TNFRSF13B: variants seen among roughly 807,000 people sequenced by gnomAD.
The protein encoded by TNFRSF13B is tumor necrosis factor receptor superfamily member 13B.
TNFRSF13B carries 34 observed loss-of-function variants against 24.0 expected under a neutral mutation model. That is an observed-to-expected ratio of 1.41 (90% CI 1.08 to 1.88). TNFRSF13B has a LOEUF of 1.88. Ranked by LOEUF, TNFRSF13B falls within the 40% of genes most tolerant of loss-of-function variation. The pLI is 0.00. For missense variants in TNFRSF13B, 415 were observed against 380.8 expected (o/e 1.09, Z -0.75); for synonymous variants, 173 against 150.3 (o/e 1.15, Z -1.10).
intron 1 of TNFRSF13B, among the ~76,000 whole-genome samples, chr17:16,963,644 G>T (rs2087679009): frequency 6.6e-6 from 1 of 152,094 alleles, no homozygotes; most frequent in South Asian, 2.1e-4. Flanking sequence ...CCACCTCCTG[G>T]GTTCACGTCA....
At position 16,948,708 on chromosome 17, in the gene TNFRSF13B, C is replaced by T. The variant is rs767153075; in HGVS notation, c.445+30G>A. The stretch of plus-strand genomic sequence containing the variant: ...TCCCACGCTTTCTCACCCTGCGTGA[C>T]ACCATGCAGGTTTGCCTTGGGTGGC... On this transcript the variant is annotated intron_variant, in intron 3 of 4. Coordinates refer to ENST00000261652, the MANE Select transcript of TNFRSF13B (RefSeq NM_012452.3). 9.3e-6 allele frequency: 15 copies of T among 1,612,886 alleles called. No homozygotes were observed. In the Admixed American group the frequency reaches 1.7e-4, roughly 18 times the overall value.
At chr17:16,943,939 C>T (rs111764473) in intron 3 of TNFRSF13B, among the ~76,000 whole-genome samples, 48 of 152,200 alleles carry the variant, frequency 3.2e-4, no homozygotes, top group African/African-American at 1.1e-3. Context: ...CTGGAGTCGT[C>T]GCAGTAGAAC....
intron 3 of TNFRSF13B, among the ~76,000 whole-genome samples, chr17:16,947,156 A>G (rs940489751): frequency 4.6e-5 from 7 of 152,200 alleles, no homozygotes; most frequent in African/African-American, 1.7e-4. Flanking sequence ...AGACACAACA[A>G]CAAAAAAAAG....
chr17:16,968,677 TAGAAG>T (rs1321107718), intron 1 of TNFRSF13B, among the ~76,000 whole-genome samples: 1 of 152,224 alleles, frequency 6.6e-6, no homozygotes, highest in Non-Finnish European at 1.5e-5. Flanking sequence ...GTGCGTGTGA[TAGAAG>T]AGAAGATTGA....
chr17:16,952,659 G>A (rs569662236), intron 1 of TNFRSF13B, 76 bp from the exon 2 acceptor site: 578 of 1,603,130 alleles, frequency 3.6e-4, no homozygotes, highest in Non-Finnish European at 4.4e-4. Context: ...GAACCAAGAC[G>A]GCCTCTCCTG....
chr17:16,948,832 C>T lies in TNFRSF13B; in HGVS notation c.351G>A (p.Glu117=), dbSNP rs1454227420. The change falls in exon 3 of 5, where the codon GAG becomes GAA. Residue 117 remains glutamate, a synonymous_variant. Transcript: ENST00000261652. ...KLRSPVNLPP[E]LRRQRSGEVE... is the part of the protein sequence containing the mutation. ...CTTCTCCACTCCGCTGTCTCCTGAG[C>T]TCTGGTGGAAGGTTCACTGGGCTCC... 6.2e-7 allele frequency: 1 copy of T among 1,614,244 alleles called. No homozygotes were observed. The highest frequency in any genetic ancestry group is 8.5e-7 in the Non-Finnish European group (1 of 1,180,028).
chr17:16,944,828 C>T (rs540521958), intron 3 of TNFRSF13B, among the ~76,000 whole-genome samples: 12 of 152,204 alleles, frequency 7.9e-5, no homozygotes, highest in Admixed American at 2.6e-4. Flanking sequence ...AGACAGGGAA[C>T]GGCAGAATTC....
intron 1 of TNFRSF13B, among the ~76,000 whole-genome samples, chr17:16,964,421 C>A (rs778295804): frequency 4.7e-5 from 7 of 147,484 alleles, no homozygotes; most frequent in Non-Finnish European, 1.0e-4. Flanking sequence ...CGGCTCACTG[C>A]AACCTCTGCC....
chr17:16,950,953 C>G (rs975600793), intron 2 of TNFRSF13B, among the ~76,000 whole-genome samples: 1 of 152,236 alleles, frequency 6.6e-6, no homozygotes, highest in South Asian at 2.1e-4. Context: ...TGAAGGGGGT[C>G]TCTCCCAACT....
At chr17:16,960,560 C>T (rs565491026) in intron 1 of TNFRSF13B, among the ~76,000 whole-genome samples, 43 of 152,272 alleles carry the variant, frequency 2.8e-4, no homozygotes, top group Non-Finnish European at 5.7e-4. Context: ...TGGATATTCA[C>T]ATGCAAGAGA....
At position 16,964,696 on chromosome 17, in the gene TNFRSF13B, AAGTC is replaced by A. The variant is rs1209014644; in HGVS notation, c.61+7315_61+7318del. ...TAGTTAGGTCCTGGGAAAACTGGTC[AAGTC>A]ACCTTCTCAGTTTTCTGTTTGTGAA... On this transcript the variant is annotated intron_variant, in intron 1 of 4. Coordinates refer to ENST00000261652, the MANE Select transcript of TNFRSF13B (RefSeq NM_012452.3). Among the ~76,000 whole-genome samples, 15 of 152,272 alleles carry A rather than the reference AAGTC, an allele frequency of 9.9e-5. No homozygotes were observed. In the Middle Eastern group the frequency reaches 0.01, roughly 104 times the overall value.
At chr17:16,970,584 G>A (rs891777742) in intron 1 of TNFRSF13B, among the ~76,000 whole-genome samples, 18 of 152,352 alleles carry the variant, frequency 1.2e-4, no homozygotes, top group Admixed American at 1.1e-3. Flanking sequence ...GCACTTTTGT[G>A]TGTTTGAGGG....
At chr17:16,955,335 C>G (rs748320781) in intron 1 of TNFRSF13B, among the ~76,000 whole-genome samples, 20 of 152,208 alleles carry the variant, frequency 1.3e-4, no homozygotes, top group Non-Finnish European at 2.8e-4. Context: ...AGAGCAGCAA[C>G]AGTTGAGATC....
chr17:16,965,120 C>A (rs1295806130), intron 1 of TNFRSF13B, among the ~76,000 whole-genome samples: 2 of 151,924 alleles, frequency 1.3e-5, no homozygotes, highest in East Asian at 3.9e-4. Flanking sequence ...TTAACATTTT[C>A]TTTTGTAGAG....
chr17:16,942,995 A>C (rs1176027413), intron 3 of TNFRSF13B, among the ~76,000 whole-genome samples: 1 of 152,082 alleles, frequency 6.6e-6, no homozygotes, highest in Non-Finnish European at 1.5e-5. Context: ...ACCACTCGAG[A>C]AGTCCAACTG....
chr17:16,969,787 G>A (rs954088930), intron 1 of TNFRSF13B, among the ~76,000 whole-genome samples: 1 of 152,082 alleles, frequency 6.6e-6, no homozygotes, highest in African/African-American at 2.4e-5. Context: ...ATACTTTCTG[G>A]GTTTCAAACC....
chr17:16,943,342 G>A (rs2087524844), intron 3 of TNFRSF13B, among the ~76,000 whole-genome samples: 1 of 152,176 alleles, frequency 6.6e-6, no homozygotes, highest in African/African-American at 2.4e-5. Flanking sequence ...ACAAGCCCAG[G>A]AGGCCTAGTT....
chr17:16,952,462 G>A lies in TNFRSF13B; in HGVS notation c.183C>T (p.Thr61=), dbSNP rs767410234. The change falls in exon 2 of 5, where the codon ACC becomes ACT. Residue 61 remains threonine (T), a synonymous_variant. Transcript: ENST00000261652. ...AGAACTCACTGCAGAAGGCTGCACA[G>A]GTGCGCTGGCTCTGATGGTTGCAAA... ...KTICNHQSQR[T]CAAFCRSLSC... 1 of 1,614,140 alleles carries A rather than the reference G, an allele frequency of 6.2e-7. No homozygotes were observed. Among genetic ancestry groups the A allele is most frequent in the East Asian group, 2.2e-5 (1 of 44,892 alleles).
At position 16,939,372 on chromosome 17, in the gene TNFRSF13B, C is replaced by CCCTTCTGTCTCTCTCT. The variant is rs2087488827; in HGVS notation, c.*174_*175insAGAGAGAGACAGAAGG. The CCCTTCTGTCTCTCTCT allele has an allele frequency of 4.1e-6, 3 of 730,558 alleles. No individual in the cohort carries two copies. The highest frequency in any genetic ancestry group is 6.3e-6 in the Non-Finnish European group (3 of 479,146). The allele number at this position is 730,558 out of a possible 1,614,324, so 45.3% of individuals were successfully genotyped here. A position where few individuals can be genotyped will look rare whatever the true frequency, so the allele number is the denominator to read the frequency against. On this transcript the variant is annotated 3_prime_UTR_variant, in exon 5 of 5. Coordinates refer to ENST00000261652, the MANE Select transcript of TNFRSF13B (RefSeq NM_012452.3). ...GCCTCTTTCCCTCTCTGCCTCTCTT[C>CCCTTCTGTCTCTCTCT]CCCTCTGTCTCTCTCTCCCTCTGTC...
Sources: allele counts gnomAD v4.1 joint callset (sites outside exome capture counted in the v4.1 genomes callset), GRCh38; gene constraint gnomAD v4.1.1; transcripts MANE v1.5; gene names NCBI Gene and HGNC (gene_info 2026-07-23, HGNC 2026-07-21).